The following NRXN3 variants were observed in gnomAD, a reference collection of about 807,000 sequenced individuals.
The protein encoded by NRXN3 is neurexin III.
NRXN3 carries 32 observed loss-of-function variants against 137.6 expected under a neutral mutation model. The observed-to-expected ratio is 0.23, with a 90% CI of 0.18 to 0.31. The LOEUF (loss-of-function observed/expected upper bound fraction) is 0.31, where lower values mean the gene tolerates loss of function less well. Ranked by LOEUF, NRXN3 falls within the 10% of genes least tolerant of loss-of-function variation. NRXN3 has a pLI of 1.00. For synonymous variants in NRXN3, 798 were observed against 784.5 expected, an observed-to-expected ratio of 1.02 and a Z score of -0.29; for missense variants, 1,574 against 2,062.5, an observed-to-expected ratio of 0.76 and a Z score of 4.59.
chr14:79,709,705 A>G (rs1441030859), intron 19 of NRXN3, among the ~76,000 whole-genome samples: 1 of 151,422 alleles, frequency 6.6e-6, no homozygotes, highest in Non-Finnish European at 1.5e-5. Flanking sequence ...TGCACCCACA[A>G]CTCACACTAT....
intron 1 of NRXN3, among the ~76,000 whole-genome samples, chr14:78,199,937 C>T (rs1166600173): frequency 3.9e-5 from 6 of 152,246 alleles, no homozygotes; most frequent in South Asian, 2.1e-4. Context: ...CTGCAGCAGG[C>T]GAGTGTCAGC....
intron 20 of NRXN3, among the ~76,000 whole-genome samples, chr14:79,840,319 A>G (rs925265128): frequency 6.6e-6 from 1 of 152,110 alleles, no homozygotes; most frequent in African/African-American, 2.4e-5. Flanking sequence ...TCCTTTTTCC[A>G]CTGCCCCTAG....
intron 19 of NRXN3, among the ~76,000 whole-genome samples, chr14:79,758,960 T>C (rs1568142243): frequency 6.6e-6 from 1 of 152,260 alleles, no homozygotes; most frequent in African/African-American, 2.4e-5. Flanking sequence ...AAATTATCTT[T>C]AATTTTTTGT....
At chr14:78,803,293 T>TTTTGTTTG (rs1347876320) in intron 8 of NRXN3, among the ~76,000 whole-genome samples, 1 of 152,216 alleles carries the variant, frequency 6.6e-6, no homozygotes, top group Non-Finnish European at 1.5e-5. Flanking sequence ...TTGCAAACAA[T>TTTTGTTTG]ACTATTTGTG....
intron 20 of NRXN3, among the ~76,000 whole-genome samples, chr14:79,838,694 G>A (rs2293835): frequency 0.13 from 19,228 of 152,180 alleles, 1,323 homozygotes; most frequent in Middle Eastern, 0.2. Flanking sequence ...TTCTCACTTT[G>A]TGATACCAAG....
intron 4 of NRXN3, among the ~76,000 whole-genome samples, chr14:78,499,578 C>T (rs1297846626): frequency 6.6e-6 from 1 of 152,180 alleles, no homozygotes; most frequent in African/African-American, 2.4e-5. Flanking sequence ...CATTTATTAT[C>T]TCATAGTTTT....
intron 20 of NRXN3, among the ~76,000 whole-genome samples, chr14:79,859,217 C>T (rs530283477): frequency 7.9e-4 from 120 of 152,128 alleles, no homozygotes; most frequent in African/African-American, 2.8e-3. Flanking sequence ...TTCTGTTGTC[C>T]CTTCCCTTCT....
intron 6 of NRXN3, among the ~76,000 whole-genome samples, chr14:78,690,490 A>G (rs1200868733): frequency 2.0e-5 from 3 of 152,210 alleles, no homozygotes; most frequent in Non-Finnish European, 2.9e-5. Flanking sequence ...TTACATGTGT[A>G]ACACTTCTAC....
intron 15 of NRXN3, among the ~76,000 whole-genome samples, chr14:79,316,851 G>A (rs530701772): frequency 3.3e-4 from 50 of 152,066 alleles, no homozygotes; most frequent in African/African-American, 1.1e-3. Context: ...TCCTAGGAAT[G>A]CCATAACAAA....
At chr14:79,040,678 G>C (rs2152529950) in intron 15 of NRXN3, among the ~76,000 whole-genome samples, 1 of 152,236 alleles carries the variant, frequency 6.6e-6, no homozygotes, top group Admixed American at 6.5e-5. Flanking sequence ...CCACCACAGA[G>C]AGGGGTCCCG....
intron 2 of NRXN3, among the ~76,000 whole-genome samples, chr14:78,261,799 T>G (rs2070769730): frequency 6.6e-6 from 1 of 152,150 alleles, no homozygotes; most frequent in Admixed American, 6.5e-5. Flanking sequence ...TCAAATATCC[T>G]AACTCCCAGC....
intron 15 of NRXN3, among the ~76,000 whole-genome samples, chr14:79,080,491 A>C (rs988037135): frequency 6.6e-6 from 1 of 150,780 alleles, no homozygotes; most frequent in South Asian, 2.1e-4. Flanking sequence ...CAGTTCCCAC[A>C]CACACTTTTC....
At chr14:79,654,784 G>C (rs1311659064) in intron 16 of NRXN3, among the ~76,000 whole-genome samples, 2 of 152,142 alleles carry the variant, frequency 1.3e-5, no homozygotes, top group African/African-American at 4.8e-5. Flanking sequence ...ATTTATCTGA[G>C]GGATTGACTG....
intron 15 of NRXN3, among the ~76,000 whole-genome samples, chr14:79,218,114 T>C (rs1247678401): frequency 2.0e-5 from 3 of 152,184 alleles, no homozygotes; most frequent in Non-Finnish European, 4.4e-5. Context: ...ATTGTTCCAA[T>C]TTTGACTTCT....
At chr14:79,043,938 G>T (rs1250182922) in intron 15 of NRXN3, among the ~76,000 whole-genome samples, 1 of 152,120 alleles carries the variant, frequency 6.6e-6, no homozygotes, top group African/African-American at 2.4e-5. Flanking sequence ...TTGATGTGGG[G>T]AAACTACCTG....
chr14:79,726,032 T>A (rs1387034143), intron 19 of NRXN3, among the ~76,000 whole-genome samples: 4 of 152,114 alleles, frequency 2.6e-5, no homozygotes. Context: ...ATCAGACACA[T>A]TTTGGGAAGA....
chr14:78,617,089 A>G (rs2097354096), intron 4 of NRXN3, among the ~76,000 whole-genome samples: 1 of 152,188 alleles, frequency 6.6e-6, no homozygotes, highest in African/African-American at 2.4e-5. Context: ...TGAGTGAGGA[A>G]GCAGCTTGGT....
At chr14:79,132,275 G>A (rs188588717) in intron 15 of NRXN3, among the ~76,000 whole-genome samples, 206 of 152,226 alleles carry the variant, frequency 1.4e-3, no homozygotes, top group Middle Eastern at 0.01. Flanking sequence ...GAAACTACTC[G>A]GATATATGAA....
At chr14:79,234,215 C>G (rs2153294411) in intron 15 of NRXN3, among the ~76,000 whole-genome samples, 1 of 146,750 alleles carries the variant, frequency 6.8e-6, no homozygotes, top group Admixed American at 6.9e-5. Context: ...ACTGCTGGTT[C>G]CCAAAATACA....
Sources: allele counts gnomAD v4.1 joint callset (sites outside exome capture counted in the v4.1 genomes callset), GRCh38; gene constraint gnomAD v4.1.1; transcripts MANE v1.5; gene names NCBI Gene and HGNC (gene_info 2026-07-23, HGNC 2026-07-21).